NRXN3: variants seen among roughly 807,000 people sequenced by gnomAD.
NRXN3 encodes the protein neurexin III.
Under a neutral mutation model 137.6 loss-of-function variants are expected in NRXN3, and 32 were observed. The observed-to-expected ratio is 0.23, with a 90% CI of 0.18 to 0.31. The LOEUF (loss-of-function observed/expected upper bound fraction) is 0.31. NRXN3 is among the 10% of genes least tolerant of loss of function. The pLI is 1.00. For synonymous variants in NRXN3, 798 were observed against 784.5 expected, an observed-to-expected ratio of 1.02 and a Z score of -0.29; for missense variants, 1,574 against 2,062.5, an observed-to-expected ratio of 0.76 and a Z score of 4.59.
intron 15 of NRXN3, among the ~76,000 whole-genome samples, chr14:78,993,369 T>C (rs1223884052): frequency 1.3e-5 from 2 of 152,188 alleles, no homozygotes; most frequent in Non-Finnish European, 2.9e-5. Flanking sequence ...TATAGGTACA[T>C]AGACATTATG....
At chr14:79,342,812 A>G (rs2092679620) in intron 15 of NRXN3, among the ~76,000 whole-genome samples, 1 of 152,192 alleles carries the variant, frequency 6.6e-6, no homozygotes, top group Admixed American at 6.5e-5. Context: ...CTGCCTAGAT[A>G]GAACCGATTT....
chr14:78,808,656 A>G, intron 9 of NRXN3, among the ~76,000 whole-genome samples: 1 of 152,076 alleles, frequency 6.6e-6, no homozygotes, highest in East Asian at 1.9e-4. Flanking sequence ...GCGGTTGACG[A>G]CACATGACAA....
At chr14:78,911,011 C>G (rs2099235816) in intron 10 of NRXN3, among the ~76,000 whole-genome samples, 1 of 152,120 alleles carries the variant, frequency 6.6e-6, no homozygotes, top group African/African-American at 2.4e-5. Flanking sequence ...ATTCAGAGTT[C>G]TGGTATTCCT....
intron 4 of NRXN3, among the ~76,000 whole-genome samples, chr14:78,558,713 T>C (rs959274789): frequency 6.6e-6 from 1 of 152,196 alleles, no homozygotes; most frequent in African/African-American, 2.4e-5. Context: ...TTATGATGAT[T>C]TTCTTACCAT....
At chr14:79,436,402 T>A (rs1411752046) in intron 15 of NRXN3, among the ~76,000 whole-genome samples, 2 of 152,216 alleles carry the variant, frequency 1.3e-5, no homozygotes, top group Admixed American at 1.3e-4. Context: ...ATACTGAAAG[T>A]TGTAATAGAG....
chr14:78,959,138 C>T (rs3792911), intron 11 of NRXN3, among the ~76,000 whole-genome samples: 9,883 of 152,042 alleles, frequency 0.065, 871 homozygotes, highest in East Asian at 0.38. Context: ...AAGATATGTA[C>T]GTGCATGTAC....
intron 4 of NRXN3, among the ~76,000 whole-genome samples, chr14:78,318,599 T>C (rs2078973540): frequency 6.6e-6 from 1 of 152,184 alleles, no homozygotes; most frequent in Admixed American, 6.5e-5. Flanking sequence ...ACATTTCATC[T>C]AGGATTTTGA....
intron 15 of NRXN3, among the ~76,000 whole-genome samples, chr14:79,067,484 T>C (rs1462783734): frequency 6.6e-6 from 1 of 152,176 alleles, no homozygotes; most frequent in African/African-American, 2.4e-5. Flanking sequence ...CCTCATAGAA[T>C]GAGTTAGGGA....
chr14:78,835,824 A>G, intron 10 of NRXN3, among the ~76,000 whole-genome samples: 1 of 152,138 alleles, frequency 6.6e-6, no homozygotes, highest in East Asian at 1.9e-4. Context: ...CTGTCCCTCA[A>G]AGACTCTAAG....
intron 15 of NRXN3, among the ~76,000 whole-genome samples, chr14:79,230,569 T>C (rs2071986757): frequency 6.6e-6 from 1 of 152,186 alleles, no homozygotes; most frequent in African/African-American, 2.4e-5. Flanking sequence ...ATTTAAATTC[T>C]CCATGGAAGT....
intron 10 of NRXN3, among the ~76,000 whole-genome samples, chr14:78,925,644 A>C (rs1567718266): frequency 6.6e-6 from 1 of 152,212 alleles, no homozygotes; most frequent in Non-Finnish European, 1.5e-5. Context: ...ATCTTGAGAA[A>C]TGATCTTGAA....
chr14:79,659,932 T>C (rs1425357130), intron 16 of NRXN3, among the ~76,000 whole-genome samples: 3 of 152,218 alleles, frequency 2.0e-5, no homozygotes, highest in Non-Finnish European at 4.4e-5. Context: ...TTATCTCATA[T>C]ATTTATGTAA....
chr14:78,992,719 C>G (rs1166174811), intron 15 of NRXN3, among the ~76,000 whole-genome samples: 1 of 152,150 alleles, frequency 6.6e-6, no homozygotes, highest in Non-Finnish European at 1.5e-5. Context: ...TTAAACATTT[C>G]ATACCTATCC....
chr14:78,518,033 A>G (rs1281521675), intron 4 of NRXN3, among the ~76,000 whole-genome samples: 2 of 152,170 alleles, frequency 1.3e-5, no homozygotes, highest in Non-Finnish European at 2.9e-5. Context: ...TTGCAAATAG[A>G]GGAATCATCT....
At chr14:78,674,886 A>G (rs1348040325) in intron 6 of NRXN3, among the ~76,000 whole-genome samples, 3 of 152,208 alleles carry the variant, frequency 2.0e-5, no homozygotes, top group Middle Eastern at 3.2e-3. Flanking sequence ...TCCCATTTAC[A>G]ATAGAGAAGC....
chr14:79,847,633 T>C (rs2099382381), intron 20 of NRXN3, among the ~76,000 whole-genome samples: 1 of 152,174 alleles, frequency 6.6e-6, no homozygotes, highest in African/African-American at 2.4e-5. Flanking sequence ...CATCAAGATG[T>C]TATTAGCTAT....
chr14:79,121,757 A>T (rs1480030129), intron 15 of NRXN3, among the ~76,000 whole-genome samples: 1 of 152,218 alleles, frequency 6.6e-6, no homozygotes, highest in Admixed American at 6.5e-5. Context: ...GGACTGAAGA[A>T]CTAAGAGCAA....
chr14:79,464,998 G>A (rs1311996317), intron 15 of NRXN3, among the ~76,000 whole-genome samples: 1 of 152,138 alleles, frequency 6.6e-6, no homozygotes, highest in Non-Finnish European at 1.5e-5. Flanking sequence ...GATAGAGTAT[G>A]AATTTATCTC....
intron 1 of NRXN3, among the ~76,000 whole-genome samples, chr14:78,198,346 C>T (rs973710776): frequency 2.0e-5 from 3 of 152,164 alleles, no homozygotes; most frequent in Non-Finnish European, 4.4e-5. Context: ...ACAGAACTGC[C>T]CAGCCACATC....
Sources: gnomAD v4.1 joint callset for allele counts (sites outside exome capture counted in the v4.1 genomes callset) on GRCh38, gnomAD v4.1.1 for gene constraint, MANE v1.5 for transcripts, NCBI Gene and HGNC (gene_info 2026-07-23, HGNC 2026-07-21) for gene names.